UHMK1: variants seen among roughly 807,000 people sequenced by gnomAD.
UHMK1 encodes U2AF homology motif kinase 1.
UHMK1 carries 18 observed loss-of-function variants against 44.0 expected under a neutral mutation model. The observed-to-expected ratio is 0.41, with a 90% confidence interval of 0.28 to 0.61. UHMK1 has a LOEUF of 0.61. Among genes scored for constraint, UHMK1 ranks in the 20% least tolerant of loss-of-function variants. UHMK1 has a pLI of 0.31. For synonymous variants in UHMK1, 231 were observed against 198.5 expected (o/e 1.16, Z -1.38); for missense variants, 463 against 522.5 (o/e 0.89, Z 1.11).
chr1:162,508,789 A>G lies in UHMK1; in HGVS notation c.849-3711A>G, dbSNP rs557805388. On this transcript the variant is annotated intron_variant, in intron 4 of 7. Transcript: ENST00000489294. ...CATTTTGCAGTTTTTTTTTTGTACA[A>G]TAGATACTTTTCTTTCTCTTCTTTT... Among the ~76,000 whole-genome samples, 9 of 151,454 alleles carry G rather than the reference A, an allele frequency of 5.9e-5. No individual in the cohort carries two copies. In the South Asian group the frequency reaches 1.3e-3, roughly 21 times the overall value.
rs1652260848 is a variant in UHMK1, at chr1:162,526,637, C to G, written c.*4087C>G. 1.3e-5 allele frequency: 2 copies of G among 151,974 alleles called. No homozygotes were observed. The allele number at this position is 151,974 out of a possible 1,614,324, so 9.4% of individuals were successfully genotyped here. ...AGTCACATATGATAGTATAAAAGTC[C>G]AAAATTTTCTGGGTTTACCTTTGTT... On this transcript the variant is annotated 3_prime_UTR_variant, in exon 8 of 8. Coordinates refer to ENST00000489294, the MANE Select transcript of UHMK1 (RefSeq NM_175866.5).
chr1:162,520,965 A>G (rs761794293), intron 7 of UHMK1, among the ~76,000 whole-genome samples: 1 of 152,218 alleles, frequency 6.6e-6, no homozygotes, highest in Non-Finnish European at 1.5e-5. Context: ...TGAAAAAAGT[A>G]TCAGTGAGAG....
chr1:162,516,402 A>G (rs1036378992), intron 6 of UHMK1, among the ~76,000 whole-genome samples: 73 of 152,334 alleles, frequency 4.8e-4, no homozygotes, highest in African/African-American at 1.7e-3. Flanking sequence ...CAAATCAAGT[A>G]TAGATTAAAA....
intron 1 of UHMK1, 45 bp downstream of exon 1, chr1:162,498,313 C>G: frequency 6.5e-7 from 1 of 1,533,118 alleles, no homozygotes; most frequent in Non-Finnish European, 8.8e-7. Context: ...GGTCACAGTC[C>G]GAGCACACTC....
At chr1:162,512,996 A>T in intron 6 of UHMK1, 173 bp downstream of exon 6, 2 of 637,600 alleles carry the variant, frequency 3.1e-6, no homozygotes, top group Non-Finnish European at 5.1e-6. Context: ...CTTGTTGCCC[A>T]GGCTGGAGTG....
At chr1:162,521,030 C>G (rs1238211225) in intron 7 of UHMK1, among the ~76,000 whole-genome samples, 4 of 152,140 alleles carry the variant, frequency 2.6e-5, no homozygotes, top group African/African-American at 9.7e-5. Context: ...GTGAAAGCAG[C>G]TTTTGATAAA....
chr1:162,497,411 G>T, upstream of UHMK1: 1 of 600,614 alleles, frequency 1.7e-6, no homozygotes, highest in Non-Finnish European at 3.0e-6. Flanking sequence ...GCTTAGAATT[G>T]TATTTTCGGT....
intron 4 of UHMK1, among the ~76,000 whole-genome samples, chr1:162,504,083 C>T (rs1651379487): frequency 6.6e-6 from 1 of 152,126 alleles, no homozygotes; most frequent in African/African-American, 2.4e-5. Flanking sequence ...CCTTTGGCCA[C>T]TCATAGCCCT....
intron 7 of UHMK1, among the ~76,000 whole-genome samples, chr1:162,518,979 A>T (rs1400614056): frequency 7.3e-6 from 1 of 137,760 alleles, no homozygotes. Flanking sequence ...ACAGTGTGAG[A>T]CTCCATCTCA....
At chr1:162,510,085 G>A (rs1230859542) in intron 4 of UHMK1, among the ~76,000 whole-genome samples, 2 of 151,838 alleles carry the variant, frequency 1.3e-5, no homozygotes, top group Non-Finnish European at 2.9e-5. Context: ...CAGCATCTCG[G>A]TCTTCTTTTT....
intron 4 of UHMK1, among the ~76,000 whole-genome samples, chr1:162,505,141 T>G (rs1361688353): frequency 1.3e-5 from 2 of 152,180 alleles, no homozygotes. Flanking sequence ...ACTTTAATTT[T>G]TCTTTATCTT....
chr1:162,525,175 C>T lies in UHMK1; in HGVS notation c.*2625C>T, dbSNP rs142586112. 6.6e-6 allele frequency: 1 copy of T among 152,148 alleles called. No individual in the cohort carries two copies. The highest frequency in any genetic ancestry group is 1.5e-5 in the Non-Finnish European group (1 of 68,032). The allele number at this position is 152,148 out of a possible 1,614,324, so 9.4% of individuals were successfully genotyped here. A position where few individuals can be genotyped will look rare whatever the true frequency, so the allele number is the denominator to read the frequency against. The stretch of plus-strand genomic sequence containing the variant: ...TCACATTAGCAGATTACCCCTCCCT[C>T]CTGTGATATTATCTTTCTTAAACCT... On this transcript the variant is annotated 3_prime_UTR_variant, in exon 8 of 8. Transcript: ENST00000489294.
At position 162,528,306 on chromosome 1, in the gene UHMK1, A is replaced by G. The variant is rs1396238459; in HGVS notation, c.*5756A>G. ...AATGGCTCCCTTACTGGTCTTAGTAATCTTCTATATAGTTAATGAGCTAAA... is the reference window on the plus strand; with the variant it reads ...AATGGCTCCCTTACTGGTCTTAGTAGTCTTCTATATAGTTAATGAGCTAAA... On this transcript the variant is annotated 3_prime_UTR_variant, in exon 8 of 8. Coordinates refer to ENST00000489294, the MANE Select transcript of UHMK1 (RefSeq NM_175866.5). 3 of 151,976 alleles carry G rather than the reference A, an allele frequency of 2.0e-5. No homozygotes were observed. Among genetic ancestry groups the G allele is most frequent in the Non-Finnish European group, 1.5e-5 (1 of 67,912 alleles). The allele number at this position is 151,976 out of a possible 1,614,324, so 9.4% of individuals were successfully genotyped here.
rs1652232663 is a variant in UHMK1, at chr1:162,525,980, A to G, written c.*3430A>G. 1 of 152,160 alleles carries G rather than the reference A, an allele frequency of 6.6e-6. No homozygotes were observed. Among genetic ancestry groups the G allele is most frequent in the African/African-American group, 2.4e-5 (1 of 41,438 alleles). 9.4% of individuals were successfully genotyped at this position (152,160 alleles called of 1,614,324 possible). On this transcript the variant is annotated 3_prime_UTR_variant, in exon 8 of 8. Coordinates refer to ENST00000489294, the MANE Select transcript of UHMK1 (RefSeq NM_175866.5). ...CATGTTGCTTATATTTTAACTATTG[A>G]GCAAGTTTATTATAAGGAATGCTGC...
At chr1:162,497,700 T>C, upstream of UHMK1, 1 of 950,218 alleles carries the variant, frequency 1.1e-6, no homozygotes, top group Non-Finnish European at 1.4e-6. Flanking sequence ...TAAGGTTACT[T>C]CTTATTCTCG....
chr1:162,503,644 T>A, intron 3 of UHMK1, 110 bp from the exon 4 acceptor site: 5 of 549,218 alleles, frequency 9.1e-6, no homozygotes, highest in Non-Finnish European at 1.3e-5. Flanking sequence ...TTGTAGGCTC[T>A]CAGAAGATAG....
intron 7 of UHMK1, among the ~76,000 whole-genome samples, chr1:162,519,085 G>A (rs1651950845): frequency 1.3e-5 from 2 of 151,940 alleles, no homozygotes; most frequent in Admixed American, 6.6e-5. Flanking sequence ...GGGAGGCCGA[G>A]GCGTGTGGAT....
intron 7 of UHMK1, among the ~76,000 whole-genome samples, chr1:162,518,643 C>T (rs1185441909): frequency 2.0e-5 from 3 of 150,116 alleles, no homozygotes. Context: ...GATCCTGCCA[C>T]TGCACTCCAG....
rs1652100545 is a variant in UHMK1, at chr1:162,522,631, T to TA, written c.*82dup. ...ACATATGAATGCAGGACTACCCCCT[T>TA]ACCATTTTAAGAAGGTACTTTATAC... On this transcript the variant is annotated 3_prime_UTR_variant, in exon 8 of 8. Coordinates refer to ENST00000489294, the MANE Select transcript of UHMK1 (RefSeq NM_175866.5). 7.0e-7 allele frequency: 1 copy of TA among 1,426,822 alleles called. No individual in the cohort carries two copies. Among genetic ancestry groups the TA allele is most frequent in the Non-Finnish European group, 9.6e-7 (1 of 1,045,014 alleles). The allele number at this position is 1,426,822 out of a possible 1,614,324, so 88.4% of individuals were successfully genotyped here. A position where few individuals can be genotyped will look rare whatever the true frequency, so the allele number is the denominator to read the frequency against.
Sources: gnomAD v4.1 joint callset for allele counts (sites outside exome capture counted in the v4.1 genomes callset) on GRCh38, gnomAD v4.1.1 for gene constraint, MANE v1.5 for transcripts, NCBI Gene and HGNC (gene_info 2026-07-23, HGNC 2026-07-21) for gene names.